BAHCC1: variants seen among roughly 807,000 people sequenced by gnomAD.
BAHCC1 encodes BAH domain and coiled-coil containing 1.
A neutral mutation model predicts 88.2 loss-of-function variants in BAHCC1; 43 were observed. The observed-to-expected ratio is 0.49, with a 90% CI of 0.38 to 0.63. The LOEUF (loss-of-function observed/expected upper bound fraction) is 0.63. BAHCC1 is among the 20% of genes least tolerant of loss of function. BAHCC1 has a pLI of 0.00. For missense variants in BAHCC1, 3,023 were observed against 1,654.8 expected (o/e 1.83, Z -14.34); for synonymous variants, 1,510 against 745.5 (o/e 2.03, Z -16.71).
At position 81,442,619 on chromosome 17, in the gene BAHCC1, C is replaced by A. The variant is rs1555652890; in HGVS notation, c.1270C>A (p.His424Asn). 1 of 776,512 alleles carries A rather than the reference C, an allele frequency of 1.3e-6. No homozygotes were observed. The highest frequency in any genetic ancestry group is 1.7e-5 in the African/African-American group (1 of 59,216). 48.1% of individuals were successfully genotyped at this position (776,512 alleles called of 1,614,324 possible). Residue 424 changes from histidine to asparagine, a missense_variant, in exon 5 of 28, where the codon CAC becomes AAC. By Grantham distance (68) the His-to-Asn change is moderately conservative (BLOSUM62 1). Coordinates refer to ENST00000675386, the MANE Select transcript of BAHCC1 (RefSeq NM_001377448.1). ...CAVAGEGKDRHLEGTMAPDHA... is the reference protein window; with the variant it reads ...CAVAGEGKDRNLEGTMAPDHA... ...CGTGGCAGGGGAGGGCAAGGACCGG[C>A]ACCTGGAGGGAACCATGGCCCCCGA...
intron 13 of BAHCC1, 32 bp downstream of exon 13, chr17:81,452,139 GGT>G: frequency 4.2e-6 from 1 of 240,144 alleles, no homozygotes; most frequent in Non-Finnish European, 7.8e-6. Context: ...GGCCTGGGAG[GGT>G]CGCAGCACCC....
chr17:81,448,948 T>G (rs1555655186), intron 11 of BAHCC1, among the ~76,000 whole-genome samples: 1 of 152,126 alleles, frequency 6.6e-6, no homozygotes, highest in Non-Finnish European at 1.5e-5. Flanking sequence ...TGGAGGCACC[T>G]TGGGGCAGGG....
chr17:81,398,773 G>A (rs1375089643), intron 1 of BAHCC1, among the ~76,000 whole-genome samples: 3 of 72,350 alleles, frequency 4.1e-5, no homozygotes, highest in Non-Finnish European at 8.0e-5. Context: ...TGGCGGTTGC[G>A]GGCCTCCGGG....
At chr17:81,443,765 G>A (rs1474178925) in intron 5 of BAHCC1, 44 bp from the exon 6 acceptor site, 2 of 701,956 alleles carry the variant, frequency 2.8e-6, no homozygotes, top group Non-Finnish European at 5.2e-6. Context: ...GTGGCTCCCT[G>A]GCCGCCCCAA....
At chr17:81,453,627 T>G (rs1390168446) in intron 14 of BAHCC1, among the ~76,000 whole-genome samples, 3 of 151,362 alleles carry the variant, frequency 2.0e-5, no homozygotes, top group East Asian at 3.9e-4. Flanking sequence ...TGCCCAGGTG[T>G]CTCCTGGGGG....
At chr17:81,437,305 C>G (rs1327498869) in intron 3 of BAHCC1, among the ~76,000 whole-genome samples, 1 of 152,250 alleles carries the variant, frequency 6.6e-6, no homozygotes, top group Non-Finnish European at 1.5e-5. Context: ...TAAGGCAGGC[C>G]GGCCGGCACT....
At chr17:81,432,594 T>TCCCATCGCC (rs2064275934) in intron 3 of BAHCC1, among the ~76,000 whole-genome samples, 3 of 26,492 alleles carry the variant, frequency 1.1e-4, no homozygotes, top group African/African-American at 5.4e-4. Context: ...CCTCCAGCCC[T>TCCCATCGCC]GGACCCAACC....
intron 3 of BAHCC1, among the ~76,000 whole-genome samples, chr17:81,430,590 G>A (rs1425104636): frequency 6.6e-6 from 1 of 152,186 alleles, no homozygotes; most frequent in Non-Finnish European, 1.5e-5. Flanking sequence ...CTCAGGACTC[G>A]CTGGTGCTGC....
Position 81,460,638 on chromosome 17 carries a change from C to T in BAHCC1, c.6134C>T (p.Pro2045Leu), listed in dbSNP as rs782596582. ...GAAGCCGCCACCCCCAGCCTGTCCC[C>T]CAAAGCACAGGACGGCCCCGAAGCT... ...PSEAATPSLS[P>L]KAQDGPEALK... The change falls in exon 25 of 28, where the codon CCC becomes CTC. Residue 2045 changes from proline to leucine, a missense_variant. Physicochemically the swap from Pro to Leu is moderately conservative, Grantham distance 98. Transcript: ENST00000675386. The T allele has an allele frequency of 1.3e-6, 1 of 771,940 alleles. No homozygotes were observed. The highest frequency in any genetic ancestry group is 2.4e-6 in the Non-Finnish European group (1 of 414,340). 47.8% of individuals were successfully genotyped at this position (771,940 alleles called of 1,614,324 possible).
At chr17:81,398,716 G>A (rs954587672) in intron 1 of BAHCC1, among the ~76,000 whole-genome samples, 1 of 152,216 alleles carries the variant, frequency 6.6e-6, no homozygotes, top group Non-Finnish European at 1.5e-5. Flanking sequence ...TCCCGGCTCC[G>A]GGACAGCAGG....
At chr17:81,458,584 C>T (rs2029946948) in intron 18 of BAHCC1, 37 bp from the exon 19 acceptor site, 3 of 682,158 alleles carry the variant, frequency 4.4e-6, no homozygotes, top group Admixed American at 4.1e-5. Flanking sequence ...GCTGTCCCAC[C>T]CTTGACTCAG....
chr17:81,453,027 C>G, intron 14 of BAHCC1, among the ~76,000 whole-genome samples, 176 bp downstream of exon 14: 1 of 152,278 alleles, frequency 6.6e-6, no homozygotes, highest in Middle Eastern at 3.4e-3. Flanking sequence ...CAGACAGAGC[C>G]CTGCTCCAGA....
chr17:81,397,410 A>ACAAC (rs370022503), intron 1 of BAHCC1, among the ~76,000 whole-genome samples: 2 of 147,590 alleles, frequency 1.4e-5, no homozygotes, highest in African/African-American at 5.0e-5. Context: ...AAAAAAAAAA[A>ACAAC]AACAACCACA....
rs1555659493 is a variant in BAHCC1 at position 81,461,693 on chromosome 17, G to C, written c.7030G>C (p.Asp2344His). 4.2e-6 allele frequency: 3 copies of C among 721,274 alleles called. No homozygotes were observed. The highest frequency in any genetic ancestry group is 5.2e-6 in the Non-Finnish European group (2 of 387,094). The allele number at this position is 721,274 out of a possible 1,614,324, so 44.7% of individuals were successfully genotyped here. A position where few individuals can be genotyped will look rare whatever the true frequency, so the allele number is the denominator to read the frequency against. ...TSSLCSSDNE[D>H]SSYSSDDEDP... ...CAGCCTCTGCTCCTCCGACAACGAG[G>C]ACTCGTCCTACAGCTCAGACGACGA... Residue 2344 changes from aspartate to histidine, a missense_variant, in exon 26 of 28, where the codon GAC (aspartate) becomes CAC (histidine). Transcript: ENST00000675386.
At position 81,466,316 on chromosome 17, in the gene BAHCC1, G is replaced by A. The variant is rs1555660804; in HGVS notation, c.*2499G>A. The A allele has an allele frequency of 6.6e-6, 1 of 152,564 alleles. No individual in the cohort carries two copies. Among genetic ancestry groups the A allele is most frequent in the Admixed American group, 6.5e-5 (1 of 15,274 alleles). 9.5% of individuals were successfully genotyped at this position (152,564 alleles called of 1,614,324 possible). A position where few individuals can be genotyped will look rare whatever the true frequency, so the allele number is the denominator to read the frequency against. On this transcript the variant is annotated 3_prime_UTR_variant, in exon 28 of 28. Coordinates refer to ENST00000675386, the MANE Select transcript of BAHCC1 (RefSeq NM_001377448.1). ...ATAACTTGCTTAAGAATAAATATATGGACTATTGTACAGGTTTTCGGTGGT... is the reference window on the plus strand; with the variant it reads ...ATAACTTGCTTAAGAATAAATATATAGACTATTGTACAGGTTTTCGGTGGT...
At chr17:81,454,979 G>A (rs977673959) in intron 14 of BAHCC1, among the ~76,000 whole-genome samples, 7 of 152,222 alleles carry the variant, frequency 4.6e-5, no homozygotes, top group South Asian at 2.1e-4. Context: ...TAACAGAAGC[G>A]TGCCCACTTC....
At chr17:81,413,082 A>T (rs782530110) in intron 2 of BAHCC1, 11 of 437,850 alleles carry the variant, frequency 2.5e-5, no homozygotes, top group Non-Finnish European at 5.0e-5. Flanking sequence ...AATTACATAA[A>T]GGTGAACACC....
Position 81,403,973 on chromosome 17 carries a change from C to T in BAHCC1, c.178+4056C>T, listed in dbSNP as rs529116052. Among the ~76,000 whole-genome samples, 10 of 152,360 alleles carry T rather than the reference C, an allele frequency of 6.6e-5. 1 individual carries two copies. The South Asian group carries it at 1.4e-3, about 22-fold the overall frequency. On this transcript the variant is annotated intron_variant, in intron 2 of 27. Coordinates refer to ENST00000675386, the MANE Select transcript of BAHCC1 (RefSeq NM_001377448.1). Reference sequence around the variant, plus strand: ...GCTTTCTGTAGGAATATCCAGGTCACGTGAGTAATAAGGCAAATTAGTGAG... The same window carrying T: ...GCTTTCTGTAGGAATATCCAGGTCATGTGAGTAATAAGGCAAATTAGTGAG...
chr17:81,444,252 C>CA (rs2064478952), intron 6 of BAHCC1, 129 bp from the exon 7 acceptor site: 1 of 623,974 alleles, frequency 1.6e-6, no homozygotes, highest in African/African-American at 1.9e-5. Context: ...GGGGGTGGGA[C>CA]AGGGAGTCAG....
Sources: gnomAD v4.1 joint callset for allele counts (sites outside exome capture counted in the v4.1 genomes callset) on GRCh38, gnomAD v4.1.1 for gene constraint, MANE v1.5 for transcripts, NCBI Gene and HGNC (gene_info 2026-07-23, HGNC 2026-07-21) for gene names.